The following STT3B variants were observed in gnomAD, a reference collection of about 807,000 sequenced individuals.
STT3B encodes the protein dolichyl-diphosphooligosaccharide--protein glycosyltransferase subunit STT3B.
In STT3B, 29 loss-of-function variants were observed where a neutral mutation model predicts 96.8. The ratio of observed to expected loss-of-function variants is 0.30; its 90% CI spans 0.22 to 0.41. The LOEUF (loss-of-function observed/expected upper bound fraction) is 0.41. Ranked by LOEUF, STT3B falls within the 10% of genes least tolerant of loss-of-function variation. The pLI is 1.00. For synonymous variants in STT3B, 367 were observed against 360.0 expected, an observed-to-expected ratio of 1.02 and a Z score of -0.22; for missense variants, 640 against 1,022.3, an observed-to-expected ratio of 0.63 and a Z score of 5.10.
chr3:31,568,445 G>C lies in STT3B; in HGVS notation c.315-7951G>C, dbSNP rs551299299. On this transcript the variant is annotated intron_variant, in intron 1 of 15. Coordinates refer to ENST00000295770, the MANE Select transcript of STT3B (RefSeq NM_178862.3). ...TTGAGGAACCTCCATACTGTTCTTCGTAGTGGCTGTGCTAATTTACATTTC... is the reference window on the plus strand; with the variant it reads ...TTGAGGAACCTCCATACTGTTCTTCCTAGTGGCTGTGCTAATTTACATTTC... Among the ~76,000 whole-genome samples the C allele has an allele frequency of 1.5e-3, 221 of 152,172 alleles. 1 individual carries two copies. Among genetic ancestry groups the C allele is most frequent in the African/African-American group, 5.2e-3 (216 of 41,530 alleles).
chr3:31,625,904 T>C, intron 12 of STT3B, 50 bp from the exon 13 acceptor site: 1 of 1,459,548 alleles, frequency 6.9e-7, no homozygotes, highest in Non-Finnish European at 9.2e-7. Context: ...TTGATTTTTA[T>C]GAATGTGGGA....
At chr3:31,550,913 A>C (rs1697538059) in intron 1 of STT3B, among the ~76,000 whole-genome samples, 1 of 152,082 alleles carries the variant, frequency 6.6e-6, no homozygotes, top group Admixed American at 6.5e-5. Context: ...TGCCAACTTT[A>C]GTTGGCCTTA....
chr3:31,558,382 G>C (rs1697774430), intron 1 of STT3B, among the ~76,000 whole-genome samples: 1 of 152,036 alleles, frequency 6.6e-6, no homozygotes, highest in African/African-American at 2.4e-5. Context: ...TATCATGAAG[G>C]GATCTTGCAA....
At chr3:31,542,025 T>G (rs1697287215) in intron 1 of STT3B, among the ~76,000 whole-genome samples, 1 of 152,194 alleles carries the variant, frequency 6.6e-6, no homozygotes. Context: ...GCTGAACCCT[T>G]GAGGTGGAGT....
At chr3:31,629,663 C>A (rs1359098493) in intron 14 of STT3B, among the ~76,000 whole-genome samples, 1 of 152,148 alleles carries the variant, frequency 6.6e-6, no homozygotes, top group Non-Finnish European at 1.5e-5. Context: ...CTTTGCTTGC[C>A]ATCTCACCAT....
At chr3:31,589,470 A>T (rs888217023) in intron 3 of STT3B, among the ~76,000 whole-genome samples, 4 of 151,932 alleles carry the variant, frequency 2.6e-5, no homozygotes, top group African/African-American at 9.7e-5. Flanking sequence ...TAGGACTTCC[A>T]TTACAATGCA....
intron 10 of STT3B, 144 bp from the exon 11 acceptor site, chr3:31,623,530 C>T: frequency 1.6e-6 from 1 of 632,598 alleles, no homozygotes; most frequent in South Asian, 2.5e-5. Context: ...CCATCACCCA[C>T]ATAAGAATAT....
intron 11 of STT3B, 34 bp from the exon 12 acceptor site, chr3:31,624,880 A>T (rs774070866): frequency 6.5e-7 from 1 of 1,543,466 alleles, no homozygotes; most frequent in South Asian, 1.2e-5. Flanking sequence ...CATTTGTGAC[A>T]TCTCATTTAA....
intron 1 of STT3B, among the ~76,000 whole-genome samples, chr3:31,541,955 A>G (rs1490895525): frequency 6.6e-6 from 1 of 152,170 alleles, no homozygotes; most frequent in Non-Finnish European, 1.5e-5. Context: ...AGGTGCCTCT[A>G]GGAAAGAGAA....
chr3:31,600,502 T>C, intron 5 of STT3B, 43 bp downstream of exon 5: 1 of 879,260 alleles, frequency 1.1e-6, no homozygotes. Context: ...AAGAGATGTT[T>C]TGTATTCATT....
Position 31,576,428 on chromosome 3 carries a change from C to G in STT3B, c.347C>G (p.Ser116Cys), listed in dbSNP as rs761552097. 6.9e-6 allele frequency: 11 copies of G among 1,604,058 alleles called. No individual in the cohort carries two copies. The highest frequency in any genetic ancestry group is 9.4e-6 in the Non-Finnish European group (11 of 1,174,356). Residue 116 changes from serine to cysteine, a missense_variant, in exon 2 of 16, where the codon TCT becomes TGT. Around this residue, in one of 8 missense-constraint regions of STT3B, gnomAD observed 267 missense variants for 388.3 expected, o/e 0.69. Transcript: ENST00000295770. ...TATAGATCAACACATCATCTTGCAT[C>G]TCATGGGTTCTATGAATTTTTAAAT... ...FNYRSTHHLA[S>C]HGFYEFLNWF...
intron 1 of STT3B, among the ~76,000 whole-genome samples, chr3:31,557,716 TC>T (rs1316858422): frequency 6.6e-6 from 1 of 152,190 alleles, no homozygotes; most frequent in African/African-American, 2.4e-5. Flanking sequence ...CACTGCAAGC[TC>T]CGCCTCCCGG....
chr3:31,636,162 A>G lies in STT3B; in HGVS notation c.*98A>G. On this transcript the variant is annotated 3_prime_UTR_variant, in exon 16 of 16. Coordinates refer to ENST00000295770, the MANE Select transcript of STT3B (RefSeq NM_178862.3). Reference sequence around the variant, plus strand: ...TGTTTCACAGCAAAGAGGGTACAGAACCATCACTGGTCCAGGTTAATGTAC... The same window carrying G: ...TGTTTCACAGCAAAGAGGGTACAGAGCCATCACTGGTCCAGGTTAATGTAC... The G allele has an allele frequency of 3.4e-6, 3 of 876,052 alleles. No individual in the cohort carries two copies. The highest frequency in any genetic ancestry group is 5.1e-6 in the Non-Finnish European group (3 of 588,242). 54.3% of individuals were successfully genotyped at this position (876,052 alleles called of 1,614,324 possible).
intron 1 of STT3B, among the ~76,000 whole-genome samples, chr3:31,559,554 G>T (rs144506100): frequency 6.6e-6 from 1 of 151,922 alleles, no homozygotes; most frequent in Non-Finnish European, 1.5e-5. Flanking sequence ...TTTTGTTGTG[G>T]TCTGAGAAGA....
At chr3:31,635,843 C>T (rs1699745355) in intron 15 of STT3B, 141 bp from the exon 16 acceptor site, 3 of 581,342 alleles carry the variant, frequency 5.2e-6, no homozygotes, top group Non-Finnish European at 9.1e-6. Flanking sequence ...GTGGTGTTCA[C>T]TGAACTATTC....
intron 4 of STT3B, among the ~76,000 whole-genome samples, chr3:31,598,107 A>T (rs941723290): frequency 6.6e-6 from 1 of 152,090 alleles, no homozygotes; most frequent in African/African-American, 2.4e-5. Flanking sequence ...AAGTGCTGGG[A>T]TTACAGGTGT....
chr3:31,578,650 T>C (rs1464971001), intron 2 of STT3B, among the ~76,000 whole-genome samples: 1 of 152,014 alleles, frequency 6.6e-6, no homozygotes, highest in Non-Finnish European at 1.5e-5. Context: ...GTGTTGAGAA[T>C]GTGGATGAAT....
chr3:31,623,584 A>AT, intron 10 of STT3B, 90 bp from the exon 11 acceptor site: 3 of 950,370 alleles, frequency 3.2e-6, no homozygotes, highest in South Asian at 1.8e-5. Flanking sequence ...AAATTGATAG[A>AT]TAAACAGTCT....
intron 1 of STT3B, among the ~76,000 whole-genome samples, chr3:31,571,377 A>ATT (rs1013285744): frequency 2.0e-5 from 3 of 151,478 alleles, no homozygotes; most frequent in African/African-American, 7.3e-5. Context: ...GTATCCAAGT[A>ATT]TTTTCAGCAT....
Sources: allele counts gnomAD v4.1 joint callset (sites outside exome capture counted in the v4.1 genomes callset), GRCh38; gene constraint gnomAD v4.1.1; regional missense constraint gnomAD v4.1.1; transcripts MANE v1.5; gene names NCBI Gene and HGNC (gene_info 2026-07-23, HGNC 2026-07-21).